ZMYM4: variants seen among roughly 807,000 people sequenced by gnomAD.
ZMYM4 encodes zinc finger MYM-type containing 4, also known as zinc finger MYM-type protein 4.
Under a neutral mutation model 183.2 loss-of-function variants are expected in ZMYM4, and 31 were observed. That is an observed-to-expected ratio of 0.17 (90% CI 0.13 to 0.23). ZMYM4 has a LOEUF of 0.23. ZMYM4 is among the 10% of genes least tolerant of loss of function. The pLI is 1.00. For synonymous variants in ZMYM4, 592 were observed against 631.2 expected (o/e 0.94, Z 0.93); for missense variants, 1,273 against 1,840.3 (o/e 0.69, Z 5.64).
chr1:35,280,273 T>C (rs934798386), intron 1 of ZMYM4, among the ~76,000 whole-genome samples: 2 of 150,674 alleles, frequency 1.3e-5, no homozygotes, highest in Non-Finnish European at 3.0e-5. Context: ...TCTCTCTCTC[T>C]CTCTCTCCCT....
At chr1:35,298,012 T>G (rs542729349) in intron 1 of ZMYM4, among the ~76,000 whole-genome samples, 1 of 152,290 alleles carries the variant, frequency 6.6e-6, no homozygotes, top group African/African-American at 2.4e-5. Context: ...AGAATAACAG[T>G]AGAGGGAGCG....
At chr1:35,368,147 T>C (rs1432967012) in intron 5 of ZMYM4, among the ~76,000 whole-genome samples, 1 of 148,558 alleles carries the variant, frequency 6.7e-6, no homozygotes, top group Non-Finnish European at 1.5e-5. Flanking sequence ...TTCATTCATT[T>C]ACATATTATG....
intron 1 of ZMYM4, among the ~76,000 whole-genome samples, chr1:35,322,632 A>G (rs889626293): frequency 2.0e-5 from 3 of 152,168 alleles, no homozygotes; most frequent in Admixed American, 1.3e-4. Context: ...CAGAAGCCTT[A>G]CTGAAGTGGG....
At chr1:35,327,310 C>G (rs576156599) in intron 2 of ZMYM4, among the ~76,000 whole-genome samples, 1 of 152,092 alleles carries the variant, frequency 6.6e-6, no homozygotes, top group South Asian at 2.1e-4. Flanking sequence ...ATATGTATTC[C>G]CATACACATC....
At chr1:35,418,595 G>A (rs750417824) in intron 29 of ZMYM4, 23 bp downstream of exon 29, 22 of 1,612,060 alleles carry the variant, frequency 1.4e-5, no homozygotes, top group Non-Finnish European at 1.6e-5. Flanking sequence ...TGAACTGAAT[G>A]TAGTGCACTC....
intron 1 of ZMYM4, among the ~76,000 whole-genome samples, chr1:35,285,123 A>G (rs1640411866): frequency 6.6e-6 from 1 of 150,382 alleles, no homozygotes; most frequent in Admixed American, 6.6e-5. Context: ...GGAGTCCTCA[A>G]GTTTTTTTTT....
At chr1:35,388,590 A>C (rs1010299811) in intron 13 of ZMYM4, among the ~76,000 whole-genome samples, 1 of 152,244 alleles carries the variant, frequency 6.6e-6, no homozygotes, top group Non-Finnish European at 1.5e-5. Flanking sequence ...AACAAAAACA[A>C]AAACAAAGCA....
chr1:35,346,842 A>G (rs903721323), intron 2 of ZMYM4, among the ~76,000 whole-genome samples: 1 of 152,124 alleles, frequency 6.6e-6, no homozygotes, highest in Non-Finnish European at 1.5e-5. Flanking sequence ...AAAGGGCCAA[A>G]TAGTAAATAT....
In ZMYM4 at chr1:35,392,258, G is replaced by C. The variant is rs748918612; in HGVS notation, c.2634G>C (p.Leu878=). 6.2e-7 allele frequency: 1 copy of C among 1,614,180 alleles called. No individual in the cohort carries two copies. The highest frequency in any genetic ancestry group is 8.5e-7 in the Non-Finnish European group (1 of 1,180,034). The change falls in exon 16 of 30, where the codon CTG becomes CTC. Residue 878 remains leucine (L), a synonymous_variant. Coordinates refer to ENST00000314607, the MANE Select transcript of ZMYM4 (RefSeq NM_005095.3). ...VQAASAGPPS[L]RKDSTPVIAN... ...CTGCTTCAGCAGGACCCCCATCTCTGAGAAAAGATTCGACTCCAGTTATAG... is the reference window on the plus strand; with the variant it reads ...CTGCTTCAGCAGGACCCCCATCTCTCAGAAAAGATTCGACTCCAGTTATAG...
intron 1 of ZMYM4, among the ~76,000 whole-genome samples, chr1:35,282,449 A>C (rs538182212): frequency 6.8e-4 from 103 of 152,318 alleles, no homozygotes; most frequent in African/African-American, 2.4e-3. Context: ...TTTATAAGTT[A>C]CTCAACCTCA....
intron 1 of ZMYM4, among the ~76,000 whole-genome samples, chr1:35,318,957 GCTCACCACAACCTCCGC>G (rs1642170161): frequency 6.6e-6 from 1 of 152,126 alleles, no homozygotes; most frequent in Non-Finnish European, 1.5e-5. Flanking sequence ...CATGATGTTG[GCTCACCACAACCTCCGC>G]CTCCCGGGTT....
In ZMYM4 at chr1:35,396,625, C is replaced by G; in HGVS notation, c.2985C>G (p.His995Gln). The change falls in exon 19 of 30, where the codon CAC (histidine) becomes CAG (glutamine). Residue 995 changes from histidine (H) to glutamine (Q), a missense_variant. This residue lies in a region of ZMYM4 where 290 missense variants were observed against 353.3 expected (regional missense o/e 0.82). Transcript: ENST00000314607. ...CAGTGTTTGTTCCCATACCTCTTCACCTTTATACTCAATATGCTCCAGTCC... is the reference window on the plus strand; with the variant it reads ...CAGTGTTTGTTCCCATACCTCTTCAGCTTTATACTCAATATGCTCCAGTCC... ...PVPVFVPIPL[H>Q]LYTQYAPVPF... is the part of the protein sequence containing the mutation. The G allele has an allele frequency of 1.2e-6, 2 of 1,613,782 alleles. No homozygotes were observed. Among genetic ancestry groups the G allele is most frequent in the South Asian group, 2.2e-5 (2 of 91,060 alleles).
intron 18 of ZMYM4, 118 bp downstream of exon 18, chr1:35,393,857 C>A: frequency 1.7e-6 from 2 of 1,181,712 alleles, no homozygotes; most frequent in Non-Finnish European, 2.3e-6. Context: ...GTATACATTG[C>A]CCAATTTAGT....
At chr1:35,312,835 C>T (rs1004942139) in intron 1 of ZMYM4, among the ~76,000 whole-genome samples, 1 of 152,046 alleles carries the variant, frequency 6.6e-6, no homozygotes, top group Non-Finnish European at 1.5e-5. Flanking sequence ...ATTCTTGTGC[C>T]TCAGCTTTCC....
At chr1:35,302,493 C>T (rs1212978) in intron 1 of ZMYM4, among the ~76,000 whole-genome samples, 56 of 145,954 alleles carry the variant, frequency 3.8e-4, no homozygotes, top group Admixed American at 8.5e-4. Context: ...TCATGCCATT[C>T]TCCTGCCTCA....
chr1:35,351,158 T>C (rs1643591713), intron 2 of ZMYM4: 1 of 1,194,864 alleles, frequency 8.4e-7, no homozygotes, highest in Admixed American at 1.7e-5. Context: ...GCTATTTGGA[T>C]GCAGACCTTG....
intron 15 of ZMYM4, among the ~76,000 whole-genome samples, chr1:35,391,594 T>C (rs1644706676): frequency 6.6e-6 from 1 of 152,218 alleles, no homozygotes; most frequent in African/African-American, 2.4e-5. Context: ...AACATTAGGC[T>C]GAATTGTCCA....
At chr1:35,417,142 C>T (rs546682507) in intron 28 of ZMYM4, among the ~76,000 whole-genome samples, 36 of 150,650 alleles carry the variant, frequency 2.4e-4, no homozygotes, top group Admixed American at 3.3e-4. Flanking sequence ...GAGGCTCATG[C>T]GGGAGGATTG....
intron 1 of ZMYM4, among the ~76,000 whole-genome samples, chr1:35,323,265 G>A (rs1642364179): frequency 6.6e-6 from 1 of 152,244 alleles, no homozygotes; most frequent in Non-Finnish European, 1.5e-5. Context: ...GCCTCCCAGA[G>A]TGCTGGGATT....
Sources: gnomAD v4.1 joint callset for allele counts (sites outside exome capture counted in the v4.1 genomes callset) on GRCh38, gnomAD v4.1.1 for gene constraint, gnomAD v4.1.1 regional missense constraint, MANE v1.5 for transcripts, NCBI Gene and HGNC (gene_info 2026-07-23, HGNC 2026-07-21) for gene names.